FBXO16: variants seen among roughly 807,000 people sequenced by gnomAD.
FBXO16 encodes the protein F-box protein 16, also known as F-box only protein 16.
Under a neutral mutation model 41.0 loss-of-function variants are expected in FBXO16, and 31 were observed. The ratio of observed to expected loss-of-function variants is 0.76; its 90% CI spans 0.57 to 1.02. FBXO16 has a LOEUF of 1.02. FBXO16 is among the 50% of genes least tolerant of loss of function. The probability of loss-of-function intolerance (pLI) is 0.00; values close to 1 mark genes in which losing one functional copy is unlikely to be tolerated. For synonymous variants in FBXO16, 133 were observed against 117.8 expected (o/e 1.13, Z -0.84); for missense variants, 361 against 346.2 (o/e 1.04, Z -0.34).
At chr8:28,463,911 G>A in intron 3 of FBXO16, 93 bp from the exon 4 acceptor site, 1 of 1,166,120 alleles carries the variant, frequency 8.6e-7, no homozygotes, top group Middle Eastern at 2.0e-4. Context: ...GGCATAGAAA[G>A]GGAGTTTAGT....
intron 3 of FBXO16, among the ~76,000 whole-genome samples, chr8:28,467,725 A>G (rs909437890): frequency 6.6e-6 from 1 of 152,270 alleles, no homozygotes; most frequent in Non-Finnish European, 1.5e-5. Context: ...TGAGTGATTT[A>G]ACACGAATAT....
At chr8:28,463,414 GTATATGTATGTGTGTA>G (rs1803176372) in intron 4 of FBXO16, among the ~76,000 whole-genome samples, 182 bp downstream of exon 4, 3 of 151,720 alleles carry the variant, frequency 2.0e-5, no homozygotes, top group Non-Finnish European at 2.9e-5. Context: ...TTGTGTGTGT[GTATATGTATGTGTGTA>G]TATGTGTATG....
At chr8:28,481,151 G>T (rs993598889) in intron 2 of FBXO16, among the ~76,000 whole-genome samples, 1 of 152,178 alleles carries the variant, frequency 6.6e-6, no homozygotes, top group African/African-American at 2.4e-5. Context: ...GATCCTCAAC[G>T]CTATGCCTGG....
Position 28,452,383 on chromosome 8 carries a change from A to G in FBXO16, c.601T>C (p.Ser201Pro). The change falls in exon 6 of 9, where the codon TCC becomes CCC. Residue 201 changes from serine to proline, a missense_variant. Ser to Pro is a moderately conservative substitution (Grantham distance 74, BLOSUM62 -1). Coordinates refer to ENST00000380254, the MANE Select transcript of FBXO16 (RefSeq NM_172366.4). ...TTCTTCTTTCTTAAAGAGGAAGAGGACCGAAAAGCTGATAAAGGGGACTGT... is the reference window on the plus strand; with the variant it reads ...TTCTTCTTTCTTAAAGAGGAAGAGGGCCGAAAAGCTGATAAAGGGGACTGT... ...EKQSPLSAFR[S>P]SSSLRKKNNS... 6.2e-7 allele frequency: 1 copy of G among 1,614,202 alleles called. No individual in the cohort carries two copies.
At chr8:28,473,466 T>C (rs765020737) in intron 3 of FBXO16, among the ~76,000 whole-genome samples, 2 of 152,154 alleles carry the variant, frequency 1.3e-5, no homozygotes, top group African/African-American at 4.8e-5. Flanking sequence ...AAGGGGATTA[T>C]TGTCCTTATA....
chr8:28,453,971 C>A (rs769070503), intron 5 of FBXO16, among the ~76,000 whole-genome samples: 18 of 151,878 alleles, frequency 1.2e-4, no homozygotes, highest in Non-Finnish European at 1.9e-4. Flanking sequence ...CGAGACCAGT[C>A]TGGCCAACAT....
intron 1 of FBXO16, among the ~76,000 whole-genome samples, chr8:28,488,645 C>T (rs1803641114): frequency 6.6e-6 from 1 of 152,184 alleles, no homozygotes; most frequent in Middle Eastern, 3.4e-3. Flanking sequence ...AACCACCTTA[C>T]TAAGTATCTA....
chr8:28,460,684 T>G (rs1234289141), intron 4 of FBXO16, among the ~76,000 whole-genome samples: 2 of 151,884 alleles, frequency 1.3e-5, no homozygotes, highest in African/African-American at 4.8e-5. Context: ...CTTGGCCTCT[T>G]AAAGTGCTAG....
chr8:28,435,704 C>A (rs549360489), intron 7 of FBXO16, among the ~76,000 whole-genome samples: 2 of 152,084 alleles, frequency 1.3e-5, no homozygotes, highest in Admixed American at 6.5e-5. Flanking sequence ...TGTAGAAAAC[C>A]GATTAGGAAA....
intron 7 of FBXO16, among the ~76,000 whole-genome samples, chr8:28,441,397 A>G (rs564534111): frequency 6.6e-6 from 1 of 152,288 alleles, no homozygotes; most frequent in South Asian, 2.1e-4. Flanking sequence ...CCTCAAGAAG[A>G]CAGCTCCTTC....
chr8:28,460,246 T>TATATATATATATATATA (rs58128827), intron 4 of FBXO16, among the ~76,000 whole-genome samples: 20 of 66,678 alleles, frequency 3.0e-4, no homozygotes, highest in African/African-American at 1.6e-3. Flanking sequence ...TATATATATA[T>TATATATATATATATATA]TTTTTTTTTT....
chr8:28,477,643 T>C (rs1457681254), intron 2 of FBXO16, among the ~76,000 whole-genome samples: 1 of 152,224 alleles, frequency 6.6e-6, no homozygotes, highest in African/African-American at 2.4e-5. Context: ...ATTGCTGCAT[T>C]GTATGAAGTA....
At chr8:28,451,656 A>G (rs1270884919) in intron 6 of FBXO16, among the ~76,000 whole-genome samples, 1 of 151,720 alleles carries the variant, frequency 6.6e-6, no homozygotes, top group Non-Finnish European at 1.5e-5. Flanking sequence ...GCTAGAATGA[A>G]CCCTTTGGTG....
rs1803382765 is a variant in FBXO16 at position 28,474,247 on chromosome 8, A to T, written c.100-440T>A. ...GTGGGAGGATCGCTTGAGCCCGGGG[A>T]GTTGAGGCTGCAGTGAGCTATGATC... On this transcript the variant is annotated intron_variant, in intron 2 of 8. Coordinates refer to ENST00000380254, the MANE Select transcript of FBXO16 (RefSeq NM_172366.4). Among the ~76,000 whole-genome samples, 12 of 134,840 alleles carry T rather than the reference A, an allele frequency of 8.9e-5. No homozygotes were observed. The South Asian group carries it at 3.1e-3, about 35-fold the overall frequency. The allele number at this position is 134,840 out of a possible 152,430, so 88.5% of individuals were successfully genotyped here. A position where few individuals can be genotyped will look rare whatever the true frequency, so the allele number is the denominator to read the frequency against.
At chr8:28,444,278 C>G (rs1208510633) in intron 7 of FBXO16, among the ~76,000 whole-genome samples, 1 of 151,408 alleles carries the variant, frequency 6.6e-6, no homozygotes, top group South Asian at 2.1e-4. Context: ...TTCCTCTTCT[C>G]TTGCCTCACA....
intron 7 of FBXO16, among the ~76,000 whole-genome samples, chr8:28,434,931 G>C (rs935132933): frequency 6.6e-6 from 1 of 152,260 alleles, no homozygotes; most frequent in Non-Finnish European, 1.5e-5. Flanking sequence ...AAGCCCCAGA[G>C]GGGGTGTCAG....
At chr8:28,446,176 C>CTTTTTTTTTT (rs11421643) in intron 7 of FBXO16, among the ~76,000 whole-genome samples, 27 of 83,074 alleles carry the variant, frequency 3.3e-4, no homozygotes, top group East Asian at 8.4e-4. Flanking sequence ...TGCATTTTTC[C>CTTTTTTTTTT]TTTTTTTTTT....
chr8:28,448,138 G>C (rs1338116999), intron 6 of FBXO16, among the ~76,000 whole-genome samples: 1 of 151,924 alleles, frequency 6.6e-6, no homozygotes, highest in African/African-American at 2.4e-5. Flanking sequence ...CCAGGAGTTT[G>C]AGACCCACCT....
At chr8:28,446,048 G>C (rs890380830) in intron 7 of FBXO16, among the ~76,000 whole-genome samples, 6 of 152,024 alleles carry the variant, frequency 3.9e-5, no homozygotes, top group African/African-American at 1.2e-4. Context: ...GGGAAACTCT[G>C]CTAGGCAATG....
Sources: allele counts gnomAD v4.1 joint callset (sites outside exome capture counted in the v4.1 genomes callset), GRCh38; gene constraint gnomAD v4.1.1; transcripts MANE v1.5; gene names NCBI Gene and HGNC (gene_info 2026-07-23, HGNC 2026-07-21).